TENM1: variants seen among roughly 807,000 people sequenced by gnomAD.
TENM1 encodes the protein teneurin transmembrane protein 1.
A neutral mutation model predicts 174.8 loss-of-function variants in TENM1; 35 were observed. The observed-to-expected ratio is 0.20, with a 90% CI of 0.15 to 0.27. The LOEUF is 0.27. Ranked by LOEUF, TENM1 falls within the 10% of genes least tolerant of loss-of-function variation. The pLI is 1.00. For missense variants in TENM1, 1,633 were observed against 2,130.1 expected, an observed-to-expected ratio of 0.77 and a Z score of 4.59; for synonymous variants, 781 against 798.7, an observed-to-expected ratio of 0.98 and a Z score of 0.37.
At chrX:124,722,275 T>C (rs1435755981) in intron 4 of TENM1, among the ~76,000 whole-genome samples, 1 of 112,312 alleles carries the variant, frequency 8.9e-6, no homozygotes, top group Non-Finnish European at 1.9e-5. Context: ...ATGCTGTCAA[T>C]GCAAGCTCTG....
chrX:124,852,352 C>T (rs1345614504), intron 3 of TENM1, among the ~76,000 whole-genome samples: 1 of 109,496 alleles, frequency 9.1e-6, no homozygotes, highest in Non-Finnish European at 1.9e-5. Context: ...TATTATATCA[C>T]ATGTGAAAAA....
chrX:124,647,257 C>A (rs1472442870), intron 8 of TENM1, among the ~76,000 whole-genome samples: 1 of 111,760 alleles, frequency 8.9e-6, no homozygotes, highest in Non-Finnish European at 1.9e-5. Flanking sequence ...CTTATTTAAT[C>A]TACTATCTTG....
At chrX:124,912,145 G>C in intron 1 of TENM1, among the ~76,000 whole-genome samples, 1 of 111,507 alleles carries the variant, frequency 9.0e-6, no homozygotes, top group African/African-American at 3.3e-5. Flanking sequence ...GTTATTGTCT[G>C]TGCATTTCAT....
chrX:124,960,960 AAAAG>A (rs770529409), intron 1 of TENM1, among the ~76,000 whole-genome samples: 2 of 112,454 alleles, frequency 1.8e-5, no homozygotes, highest in African/African-American at 6.4e-5. Context: ...GAATTCCTTG[AAAAG>A]AAAGATATAA....
the TENM1 span, among the ~76,000 whole-genome samples, chrX:125,040,014 G>A: frequency 9.0e-6 from 1 of 111,513 alleles, no homozygotes; most frequent in Admixed American, 9.5e-5. Context: ...ATCAAACTGT[G>A]CATTATAATT....
chrX:124,800,763 T>G (rs1417322850), intron 3 of TENM1, among the ~76,000 whole-genome samples: 1 of 111,973 alleles, frequency 8.9e-6, no homozygotes, highest in Non-Finnish European at 1.9e-5. Context: ...CTCTTAACAC[T>G]GCTTTAGCTG....
chrX:124,430,089 G>A (rs4825904), intron 23 of TENM1, among the ~76,000 whole-genome samples: 27,157 of 110,427 alleles, frequency 0.25, 2,883 homozygotes, highest in East Asian at 0.78. Flanking sequence ...CAGACTAGAT[G>A]CAGGATAACC....
intron 5 of TENM1, among the ~76,000 whole-genome samples, chrX:124,678,649 A>T: frequency 9.0e-6 from 1 of 111,441 alleles, no homozygotes; most frequent in Non-Finnish European, 1.9e-5. Context: ...ATTAAATATG[A>T]ACAGTTCCCA....
chrX:124,847,197 A>G (rs1264718854), intron 3 of TENM1, among the ~76,000 whole-genome samples: 1 of 111,407 alleles, frequency 9.0e-6, no homozygotes, highest in Admixed American at 9.6e-5. Flanking sequence ...GGCTGTGGTA[A>G]TCAGCACTTC....
exon 22 of TENM1, chrX:124,481,943 G>A: frequency 8.5e-7 from 1 of 1,180,376 alleles, no homozygotes; most frequent in Non-Finnish European, 1.1e-6. Context: ...TAGCCAGATA[G>A]TATTTGTGAG....
chrX:124,721,056 C>T (rs941696096), intron 4 of TENM1, among the ~76,000 whole-genome samples: 1 of 111,749 alleles, frequency 8.9e-6, no homozygotes, highest in Non-Finnish European at 1.9e-5. Flanking sequence ...GAAAGGACCT[C>T]GAATATCGTT....
chrX:124,590,453 A>G (rs1341370404), intron 11 of TENM1, among the ~76,000 whole-genome samples: 3 of 110,481 alleles, frequency 2.7e-5, no homozygotes, highest in Non-Finnish European at 5.7e-5. Context: ...AAGGAGAACG[A>G]CAAACCACTG....
At chrX:124,553,267 G>C (rs1046178574) in intron 14 of TENM1, among the ~76,000 whole-genome samples, 15 of 50,753 alleles carry the variant, frequency 3.0e-4, no homozygotes, top group African/African-American at 1.6e-3. Flanking sequence ...GAGACTGAGG[G>C]GGGGGGTGGA....
At chrX:124,637,093 C>CTTTT in intron 11 of TENM1, among the ~76,000 whole-genome samples, 1 of 102,025 alleles carries the variant, frequency 9.8e-6, no homozygotes, top group Non-Finnish European at 2.0e-5. Context: ...TTCTTTCTTT[C>CTTTT]TTTTTTTTTT....
intron 1 of TENM1, among the ~76,000 whole-genome samples, chrX:124,928,338 A>G (rs893160870): frequency 8.9e-6 from 1 of 111,999 alleles, no homozygotes; most frequent in African/African-American, 3.2e-5. Flanking sequence ...CATATTTTTC[A>G]TACATTCCAA....
In TENM1 at chrX:124,552,791, C is replaced by T. The variant is rs773615017; in HGVS notation, c.2435-5701G>A. 9.0e-5 allele frequency among the ~76,000 whole-genome samples: 10 copies of T among 111,531 alleles called. No homozygotes were observed. In the South Asian group the frequency reaches 3.8e-3, roughly 43 times the overall value. The stretch of plus-strand genomic sequence containing the variant: ...CCAGGCAATGTTATCAGGACGTTTG[C>T]ACACACTATTCCTATGCCTGGAATG... On this transcript the variant is annotated intron_variant, in intron 14 of 31. Transcript: ENST00000422452.
At chrX:124,780,807 A>T (rs746890655) in intron 3 of TENM1, among the ~76,000 whole-genome samples, 69 of 111,780 alleles carry the variant, frequency 6.2e-4, no homozygotes, top group African/African-American at 1.9e-3. Context: ...TGGTCCCTAA[A>T]TTCAGGGAAC....
chrX:124,422,371 G>A (rs746639113), exon 24 of TENM1: 61 of 1,211,265 alleles, frequency 5.0e-5, no homozygotes, highest in Non-Finnish European at 6.5e-5. Flanking sequence ...TGCTGAATGC[G>A]GTTTACTTTC....
At chrX:124,562,749 C>A (rs1245986752) in intron 13 of TENM1, among the ~76,000 whole-genome samples, 2 of 112,694 alleles carry the variant, frequency 1.8e-5, no homozygotes, top group Non-Finnish European at 3.7e-5. Flanking sequence ...ATGGAGAAAG[C>A]AACTATAATG....
Sources: gnomAD v4.1 joint callset for allele counts (sites outside exome capture counted in the v4.1 genomes callset) on GRCh38, gnomAD v4.1.1 for gene constraint, MANE v1.5 for transcripts, NCBI Gene and HGNC (gene_info 2026-07-23, HGNC 2026-07-21) for gene names.